Variants in PLAT observed in about 807,000 individuals in gnomAD.
The protein encoded by PLAT is plasminogen activator, tissue type, also known as tissue-type plasminogen activator.
A neutral mutation model predicts 74.9 loss-of-function variants in PLAT; 48 were observed. That is an observed-to-expected ratio of 0.64 (90% CI 0.51 to 0.82). The LOEUF is 0.82. Among genes scored for constraint, PLAT ranks in the 40% least tolerant of loss-of-function variants. The pLI is 0.00. For missense variants in PLAT, 673 were observed against 736.2 expected (o/e 0.91, Z 0.99); for synonymous variants, 307 against 294.4 (o/e 1.04, Z -0.44).
intron 2 of PLAT, among the ~76,000 whole-genome samples, chr8:42,191,852 G>C (rs1209747449): frequency 6.6e-6 from 1 of 152,080 alleles, no homozygotes; most frequent in Non-Finnish European, 1.5e-5. Flanking sequence ...GGTCCTGTGG[G>C]AGAGGTGTGG....
intron 5 of PLAT, 67 bp from the exon 6 acceptor site, chr8:42,187,639 C>A: frequency 7.1e-7 from 1 of 1,408,714 alleles, no homozygotes; most frequent in Non-Finnish European, 9.6e-7. Flanking sequence ...CAGGAGGCTC[C>A]CCTCTCTGCC....
intron 2 of PLAT, 100 bp downstream of exon 2, chr8:42,193,014 C>A (rs1805744606): frequency 1.2e-5 from 10 of 807,112 alleles, no homozygotes; most frequent in Non-Finnish European, 1.9e-5. Context: ...TGCTCCCTGA[C>A]AGCATTCCAA....
At chr8:42,192,544 TATAA>T (rs1191240635) in intron 2 of PLAT, among the ~76,000 whole-genome samples, 2 of 152,042 alleles carry the variant, frequency 1.3e-5, no homozygotes, top group Admixed American at 6.6e-5. Flanking sequence ...CCAAAAAATA[TATAA>T]ATAAATAATA....
intron 11 of PLAT, 76 bp from the exon 12 acceptor site, chr8:42,180,142 G>A (rs1202971976): frequency 6.3e-7 from 1 of 1,586,576 alleles, no homozygotes; most frequent in South Asian, 1.2e-5. Context: ...AGGAGGGGCA[G>A]GGGCTGGAGG....
chr8:42,178,830 G>T, intron 13 of PLAT, 67 bp downstream of exon 13: 1 of 1,457,800 alleles, frequency 6.9e-7, no homozygotes, highest in Non-Finnish European at 9.4e-7. Flanking sequence ...CTTTGGTGAA[G>T]AACCTGTTGT....
Position 42,175,654 on chromosome 8 carries a change from C to T in PLAT, c.*339G>A. Reference sequence around the variant, plus strand: ...GCTTTCATTTTTGTGGTCCTGTTTCCAAAGCTGCTCACGGTGACAGGTCAG... The same window carrying T: ...GCTTTCATTTTTGTGGTCCTGTTTCTAAAGCTGCTCACGGTGACAGGTCAG... On this transcript the variant is annotated 3_prime_UTR_variant, in exon 14 of 14. Coordinates refer to ENST00000220809, the MANE Select transcript of PLAT (RefSeq NM_000930.5). 1 of 223,002 alleles carries T rather than the reference C, an allele frequency of 4.5e-6. No homozygotes were observed. The highest frequency in any genetic ancestry group is 1.3e-4 in the South Asian group (1 of 7,484). The allele number at this position is 223,002 out of a possible 1,614,324, so 13.8% of individuals were successfully genotyped here.
In PLAT at chr8:42,179,012, G is replaced by T. The variant is rs1805095708; in HGVS notation, c.1415C>A (p.Pro472Gln). 1 of 1,613,280 alleles carries T rather than the reference G, an allele frequency of 6.2e-7. No individual in the cohort carries two copies. The highest frequency in any genetic ancestry group is 8.5e-7 in the Non-Finnish European group (1 of 1,179,192). ...RLKEAHVRLY[P>Q]SSRCTSQHLL... Reference sequence around the variant, plus strand: ...ATGTTGTGATGTGCAGCGGCTGGATGGGTACAGTCTGACATGAGCCTCCTT... The same window carrying T: ...ATGTTGTGATGTGCAGCGGCTGGATTGGTACAGTCTGACATGAGCCTCCTT... The change falls in exon 13 of 14, where the codon CCA (proline) becomes CAA (glutamine). Residue 472 changes from proline to glutamine, a missense_variant. By Grantham distance (76) the Pro-to-Gln change is moderately conservative. Coordinates refer to ENST00000220809, the MANE Select transcript of PLAT (RefSeq NM_000930.5).
intron 1 of PLAT, among the ~76,000 whole-genome samples, chr8:42,202,737 C>T (rs564683469): frequency 3.3e-5 from 5 of 152,012 alleles, no homozygotes; most frequent in South Asian, 2.1e-4. Context: ...CGCCATACCA[C>T]GCAGCAGGGT....
At position 42,179,481 on chromosome 8, in the gene PLAT, T is replaced by C. The variant is rs568604403; in HGVS notation, c.1364-418A>G. ...GCTGACATCCATTCGTTCAATATTA[T>C]CTCATTTAACCCTCCTAATCTAATT... On this transcript the variant is annotated intron_variant, in intron 12 of 13. Transcript: ENST00000220809. Among the ~76,000 whole-genome samples the C allele has an allele frequency of 1.6e-4, 24 of 152,318 alleles. 1 individual carries two copies. In the South Asian group the frequency reaches 4.8e-3, roughly 30 times the overall value.
At chr8:42,205,900 A>C (rs1375233554) in intron 1 of PLAT, among the ~76,000 whole-genome samples, 1 of 152,240 alleles carries the variant, frequency 6.6e-6, no homozygotes, top group Non-Finnish European at 1.5e-5. Flanking sequence ...TGGGTTCACA[A>C]AGGAGTGCCT....
intron 1 of PLAT, among the ~76,000 whole-genome samples, chr8:42,194,241 A>AGAGAGAGAGAGAGTGTGTGT (rs1419569830): frequency 1.3e-4 from 7 of 52,540 alleles, no homozygotes; most frequent in African/African-American, 3.4e-4. Context: ...AGAGAGAGAG[A>AGAGAGAGAGAGAGTGTGTGT]GTGTGTGTGT....
At position 42,180,340 on chromosome 8, in the gene PLAT, G is replaced by T. The variant is rs1720798022; in HGVS notation, c.1124C>A (p.Thr375Lys). ...CTCCTCGCCAGGGACCACCCGGTATGTTCTGCCCAAGATCACCGTCAGGTG... is the reference window on the plus strand; with the variant it reads ...CTCCTCGCCAGGGACCACCCGGTATTTTCTGCCCAAGATCACCGTCAGGTG... The part of the protein sequence containing the change: ...PHHLTVILGR[T>K]YRVVPGEEEQ... Residue 375 changes from threonine to lysine, a missense_variant, in exon 11 of 14, where the codon ACA becomes AAA. Thr to Lys is a moderately conservative substitution (Grantham distance 78, BLOSUM62 -1). Coordinates refer to ENST00000220809, the MANE Select transcript of PLAT (RefSeq NM_000930.5). 6.2e-7 allele frequency: 1 copy of T among 1,614,112 alleles called. No homozygotes were observed.
chr8:42,205,387 T>C (rs1283228581), intron 1 of PLAT, among the ~76,000 whole-genome samples: 1 of 151,942 alleles, frequency 6.6e-6, no homozygotes, highest in Non-Finnish European at 1.5e-5. Context: ...ATTAACCAGG[T>C]GTGGTGGCAG....
chr8:42,186,858 TATC>T (rs1052046922), intron 6 of PLAT: 3 of 145,822 alleles, frequency 2.1e-5, no homozygotes, highest in African/African-American at 2.5e-5. Context: ...ATCTATCACC[TATC>T]ATCTATCATC....
intron 1 of PLAT, among the ~76,000 whole-genome samples, chr8:42,203,113 C>A (rs1453494946): frequency 6.6e-6 from 1 of 152,026 alleles, no homozygotes; most frequent in African/African-American, 2.4e-5. Flanking sequence ...TTCTCTAATG[C>A]CTAGCTGTAT....
chr8:42,189,666 TC>T (rs930145732), intron 3 of PLAT, among the ~76,000 whole-genome samples: 1 of 150,688 alleles, frequency 6.6e-6, no homozygotes, highest in African/African-American at 2.4e-5. Context: ...TGGCACAATC[TC>T]GGCTCACTGC....
At chr8:42,189,824 C>T (rs1554498220) in intron 3 of PLAT, among the ~76,000 whole-genome samples, 1 of 151,884 alleles carries the variant, frequency 6.6e-6, no homozygotes, top group Non-Finnish European at 1.5e-5. Flanking sequence ...GTCTCGAACT[C>T]CTGATCTCAA....
intron 4 of PLAT, 44 bp downstream of exon 4, chr8:42,188,890 G>T: frequency 1.3e-6 from 2 of 1,572,534 alleles, no homozygotes; most frequent in East Asian, 2.3e-5. Context: ...CTCCTAAAGT[G>T]CTGGGATCAC....
At chr8:42,207,084 G>A (rs1431288491) in intron 1 of PLAT, among the ~76,000 whole-genome samples, 3 of 152,192 alleles carry the variant, frequency 2.0e-5, no homozygotes, top group African/African-American at 7.2e-5. Flanking sequence ...GAAACTAGGG[G>A]ACCCAGCGGG....
Sources: allele counts gnomAD v4.1 joint callset (sites outside exome capture counted in the v4.1 genomes callset), GRCh38; gene constraint gnomAD v4.1.1; transcripts MANE v1.5; gene names NCBI Gene and HGNC (gene_info 2026-07-23, HGNC 2026-07-21).